Variants in SRBD1 observed in about 807,000 individuals in gnomAD.
The protein encoded by SRBD1 is S1 RNA-binding domain-containing protein 1.
SRBD1 carries 88 observed loss-of-function variants against 115.3 expected under a neutral mutation model. That is an observed-to-expected ratio of 0.76 (90% CI 0.64 to 0.91). The LOEUF (loss-of-function observed/expected upper bound fraction) is 0.91, where lower values mean the gene tolerates loss of function less well. Ranked by LOEUF, SRBD1 falls within the 40% of genes least tolerant of loss-of-function variation. The pLI, the probability that SRBD1 is intolerant of heterozygous loss-of-function variation, is 0.00. For missense variants in SRBD1, 1,385 were observed against 1,177.4 expected (o/e 1.18, Z -2.58); for synonymous variants, 509 against 407.7 (o/e 1.25, Z -2.99).
intron 10 of SRBD1, among the ~76,000 whole-genome samples, chr2:45,556,527 A>G (rs959609997): frequency 1.4e-5 from 2 of 141,500 alleles, no homozygotes; most frequent in African/African-American, 5.4e-5. Flanking sequence ...CAGAGGCACA[A>G]TCTTGGCTCA....
At chr2:45,465,664 G>C (rs1007714255) in intron 16 of SRBD1, among the ~76,000 whole-genome samples, 9 of 152,092 alleles carry the variant, frequency 5.9e-5, no homozygotes, top group African/African-American at 2.2e-4. Flanking sequence ...TTATTTAACA[G>C]TTCAGGTTTA....
chr2:45,537,703 GCT>G (rs377286532), intron 14 of SRBD1, among the ~76,000 whole-genome samples: 12 of 152,218 alleles, frequency 7.9e-5, no homozygotes, highest in African/African-American at 2.9e-4. Context: ...CATTTTTCCT[GCT>G]CTCTCAACAT....
intron 4 of SRBD1, among the ~76,000 whole-genome samples, chr2:45,590,145 A>G (rs1673672842): frequency 6.6e-6 from 1 of 152,274 alleles, no homozygotes; most frequent in Non-Finnish European, 1.5e-5. Flanking sequence ...GCTGAAATAT[A>G]TAAAACTGCC....
chr2:45,478,924 A>G (rs1170273107), intron 15 of SRBD1, among the ~76,000 whole-genome samples: 1 of 152,114 alleles, frequency 6.6e-6, no homozygotes, highest in Non-Finnish European at 1.5e-5. Flanking sequence ...GGGCAAGTCT[A>G]TTGGTGCCAT....
At chr2:45,544,838 T>A (rs1672058932) in intron 14 of SRBD1, among the ~76,000 whole-genome samples, 1 of 152,194 alleles carries the variant, frequency 6.6e-6, no homozygotes, top group African/African-American at 2.4e-5. Flanking sequence ...TATTAAACCC[T>A]TAGTGTTTTA....
At chr2:45,413,068 A>G in intron 19 of SRBD1, 46 bp downstream of exon 19, 2 of 1,564,032 alleles carry the variant, frequency 1.3e-6, no homozygotes, top group Non-Finnish European at 1.7e-6. Flanking sequence ...TGCTGTAAAG[A>G]ACTCACTCTG....
intron 19 of SRBD1, among the ~76,000 whole-genome samples, chr2:45,401,245 A>C (rs1171423313): frequency 1.3e-5 from 2 of 152,186 alleles, no homozygotes; most frequent in Non-Finnish European, 2.9e-5. Context: ...CAGGAGTTTG[A>C]GTACAGCCTG....
At chr2:45,489,459 A>G (rs1670226913) in intron 14 of SRBD1, among the ~76,000 whole-genome samples, 1 of 152,176 alleles carries the variant, frequency 6.6e-6, no homozygotes, top group Non-Finnish European at 1.5e-5. Flanking sequence ...TTTTTATGAC[A>G]AATGTAAGCC....
chr2:45,511,113 C>T (rs557519131), intron 14 of SRBD1, among the ~76,000 whole-genome samples: 2 of 152,288 alleles, frequency 1.3e-5, no homozygotes, highest in South Asian at 2.1e-4. Context: ...GCACAATAAC[C>T]GACTGAATTG....
intron 1 of SRBD1, among the ~76,000 whole-genome samples, chr2:45,607,657 T>C: frequency 6.6e-6 from 1 of 152,132 alleles, no homozygotes; most frequent in South Asian, 2.1e-4. Context: ...AAGCAGTAGC[T>C]GATACCTTTG....
At position 45,499,608 on chromosome 2, in the gene SRBD1, T is replaced by G. The variant is rs1450179297; in HGVS notation, c.1875-11277A>C. 5.9e-5 allele frequency among the ~76,000 whole-genome samples: 9 copies of G among 152,314 alleles called. No homozygotes were observed. The South Asian group carries it at 1.2e-3, about 21-fold the overall frequency. On this transcript the variant is annotated intron_variant, in intron 14 of 20. Coordinates refer to ENST00000263736, the MANE Select transcript of SRBD1 (RefSeq NM_018079.5). ...GCAGCATTTCCCCCAATGTTTTCTT[T>G]TAGCAGTTTTATAGTTTCAGGTCTT...
At chr2:45,419,420 T>C (rs970123198) in intron 17 of SRBD1, among the ~76,000 whole-genome samples, 1 of 152,208 alleles carries the variant, frequency 6.6e-6, no homozygotes, top group Non-Finnish European at 1.5e-5. Flanking sequence ...ATTTATCTTT[T>C]GGTTACTGCC....
chr2:45,449,688 T>A (rs1268275894), intron 16 of SRBD1, among the ~76,000 whole-genome samples: 1 of 152,196 alleles, frequency 6.6e-6, no homozygotes, highest in Non-Finnish European at 1.5e-5. Context: ...ATTAAAACAC[T>A]GTATTTTTAC....
intron 2 of SRBD1, among the ~76,000 whole-genome samples, chr2:45,602,631 C>T (rs1351392267): frequency 6.6e-6 from 1 of 152,076 alleles, no homozygotes; most frequent in Non-Finnish European, 1.5e-5. Flanking sequence ...GATTTCTTTC[C>T]TGATTAGATT....
At chr2:45,498,463 A>G (rs1220567715) in intron 14 of SRBD1, among the ~76,000 whole-genome samples, 1 of 152,182 alleles carries the variant, frequency 6.6e-6, no homozygotes, top group Admixed American at 6.5e-5. Flanking sequence ...TGATAATTTG[A>G]TATCTGTATA....
intron 9 of SRBD1, among the ~76,000 whole-genome samples, chr2:45,572,736 G>T (rs1365434456): frequency 1.3e-5 from 2 of 152,046 alleles, no homozygotes; most frequent in Admixed American, 1.3e-4. Flanking sequence ...CCACAATGTA[G>T]ATATAGCCTA....
intron 4 of SRBD1, among the ~76,000 whole-genome samples, chr2:45,586,584 C>T (rs141141042): frequency 1.9e-3 from 295 of 152,048 alleles, no homozygotes; most frequent in Middle Eastern, 0.01. Context: ...CTCGCTCTTT[C>T]ACCCAGGCTG....
intron 16 of SRBD1, among the ~76,000 whole-genome samples, chr2:45,431,337 C>A (rs528317472): frequency 2.0e-5 from 3 of 152,060 alleles, no homozygotes; most frequent in Non-Finnish European, 4.4e-5. Flanking sequence ...CACATGCACA[C>A]GTATGTTTAT....
intron 16 of SRBD1, among the ~76,000 whole-genome samples, chr2:45,434,228 A>G (rs1668422268): frequency 6.6e-6 from 1 of 152,202 alleles, no homozygotes; most frequent in Non-Finnish European, 1.5e-5. Flanking sequence ...AATGTAAACT[A>G]ATTTTTAAAA....
Sources: allele counts gnomAD v4.1 joint callset (sites outside exome capture counted in the v4.1 genomes callset), GRCh38; gene constraint gnomAD v4.1.1; transcripts MANE v1.5; gene names NCBI Gene and HGNC (gene_info 2026-07-23, HGNC 2026-07-21).